The following RBFOX1 variants were observed in gnomAD, a reference collection of about 807,000 sequenced individuals.
RBFOX1 encodes the protein RNA binding protein fox-1 homolog 1.
RBFOX1 carries 8 observed loss-of-function variants against 57.7 expected under a neutral mutation model. That is an observed-to-expected ratio of 0.14 (90% CI 0.08 to 0.25). RBFOX1 has a LOEUF of 0.25. Ranked by LOEUF, RBFOX1 falls within the 10% of genes least tolerant of loss-of-function variation. The pLI, the probability that RBFOX1 is intolerant of heterozygous loss-of-function variation, is 1.00. For synonymous variants in RBFOX1, 326 were observed against 222.4 expected (o/e 1.47, Z -4.15); for missense variants, 611 against 548.5 (o/e 1.11, Z -1.14).
intron 3 of RBFOX1, among the ~76,000 whole-genome samples, chr16:6,753,697 T>C (rs1311711922): frequency 1.3e-5 from 2 of 150,818 alleles, no homozygotes; most frequent in Admixed American, 1.3e-4. Context: ...CCTCGTGCCC[T>C]CCTCCTGTCT....
intron 7 of RBFOX1, among the ~76,000 whole-genome samples, chr16:7,589,912 GGTGTGTGTGTGTGTGTGTGTGTGTGTGT>G (rs3029164): frequency 7.4e-6 from 1 of 134,946 alleles, no homozygotes; most frequent in Non-Finnish European, 1.6e-5. Flanking sequence ...GTGTGTGCTG[GGTGTGTGTGTGTGTGTGTGTGTGTGTGT>G]GTGTGTGTGT....
At chr16:5,421,047 C>T (rs1224741414) in intron 1 of RBFOX1, among the ~76,000 whole-genome samples, 1 of 148,994 alleles carries the variant, frequency 6.7e-6, no homozygotes, top group Admixed American at 6.7e-5. Context: ...TGCTTTGTCA[C>T]CTAGGCTGGA....
intron 1 of RBFOX1, among the ~76,000 whole-genome samples, chr16:6,088,365 T>G (rs1257880829): frequency 6.6e-6 from 1 of 152,184 alleles, no homozygotes; most frequent in African/African-American, 2.4e-5. Context: ...TTAGTCATGT[T>G]CTCTGATGTG....
At chr16:7,509,426 G>GTGTGTGTGTGTGTGTC (rs1555531504) in intron 4 of RBFOX1, among the ~76,000 whole-genome samples, 16 of 146,488 alleles carry the variant, frequency 1.1e-4, no homozygotes, top group African/African-American at 3.8e-4. Flanking sequence ...GTGTGTGTGT[G>GTGTGTGTGTGTGTGTC]TGTGTCTGTG....
intron 1 of RBFOX1, among the ~76,000 whole-genome samples, chr16:6,142,048 G>GAA (rs34076868): frequency 1.8e-4 from 26 of 148,048 alleles, no homozygotes; most frequent in Non-Finnish European, 3.1e-4. Context: ...GAGCTCAAAA[G>GAA]AAAAAAAAAA....
chr16:5,916,606 T>A (rs1450627613), intron 4 of RBFOX1, among the ~76,000 whole-genome samples: 1 of 152,112 alleles, frequency 6.6e-6, no homozygotes, highest in Non-Finnish European at 1.5e-5. Context: ...GCTTTGGAAC[T>A]AATTTCAGGG....
intron 3 of RBFOX1, among the ~76,000 whole-genome samples, chr16:6,800,469 C>G (rs529516129): frequency 2.0e-4 from 30 of 152,144 alleles, no homozygotes; most frequent in Middle Eastern, 3.4e-3. Context: ...TTCAATAAGT[C>G]TCGGGTGGGG....
At chr16:7,060,920 C>T (rs185742314) in intron 4 of RBFOX1, among the ~76,000 whole-genome samples, 1 of 152,268 alleles carries the variant, frequency 6.6e-6, no homozygotes, top group African/African-American at 2.4e-5. Context: ...CAGTGATTAG[C>T]TCAGGGGTTA....
chr16:6,597,242 T>C (rs1252009646), intron 2 of RBFOX1, among the ~76,000 whole-genome samples: 2 of 152,160 alleles, frequency 1.3e-5, no homozygotes, highest in African/African-American at 2.4e-5. Context: ...AGTAGTTGGG[T>C]GCGTATTCAC....
chr16:7,208,653 T>A (rs78442527), intron 4 of RBFOX1, among the ~76,000 whole-genome samples: 1 of 152,014 alleles, frequency 6.6e-6, no homozygotes, highest in African/African-American at 2.4e-5. Context: ...CTGGGCAACA[T>A]AGCAAGACCG....
At chr16:6,506,928 A>T (rs146927144) in intron 2 of RBFOX1, among the ~76,000 whole-genome samples, 1,581 of 152,222 alleles carry the variant, frequency 0.01, 20 homozygotes, top group African/African-American at 0.027. Context: ...GGTTACAGTC[A>T]TGAGCCACCG....
chr16:6,417,155 G>T (rs2093645772), intron 2 of RBFOX1, among the ~76,000 whole-genome samples: 1 of 151,994 alleles, frequency 6.6e-6, no homozygotes, highest in African/African-American at 2.4e-5. Flanking sequence ...GAGATTACAG[G>T]TGTGCGCCAC....
At chr16:6,819,022 A>G (rs528374067) in intron 3 of RBFOX1, among the ~76,000 whole-genome samples, 63 of 152,362 alleles carry the variant, frequency 4.1e-4, no homozygotes, top group Non-Finnish European at 7.1e-4. Flanking sequence ...AAAGGTAAGT[A>G]ACAGAGATGG....
chr16:5,715,222 T>G lies in RBFOX1; in HGVS notation c.318+116261T>G, dbSNP rs184916397. On this transcript the variant is annotated intron_variant, in intron 3 of 19. Transcript: ENST00000641259. Reference sequence around the variant, plus strand: ...TGTGTGTGTTTTTGAAACAACCCTATAAATCAGGTCTGCCTTATTTCGAAA... The same window carrying G: ...TGTGTGTGTTTTTGAAACAACCCTAGAAATCAGGTCTGCCTTATTTCGAAA... Among the ~76,000 whole-genome samples the G allele has an allele frequency of 3.9e-5, 6 of 152,342 alleles. No individual in the cohort carries two copies. In the East Asian group the frequency reaches 1.2e-3, roughly 29 times the overall value.
intron 1 of RBFOX1, among the ~76,000 whole-genome samples, chr16:6,042,468 C>G (rs561790850): frequency 1.8e-4 from 28 of 152,254 alleles, no homozygotes; most frequent in Admixed American, 2.6e-4. Flanking sequence ...AATCATCTCC[C>G]TATCTTTAGG....
At chr16:6,318,465 A>T (rs143274434) in intron 2 of RBFOX1, among the ~76,000 whole-genome samples, 1 of 152,164 alleles carries the variant, frequency 6.6e-6, no homozygotes, top group Non-Finnish European at 1.5e-5. Context: ...CATCTTTCTC[A>T]TAGATGCCTT....
At chr16:5,265,512 C>T (rs1406384367) in intron 1 of RBFOX1, among the ~76,000 whole-genome samples, 2 of 152,174 alleles carry the variant, frequency 1.3e-5, no homozygotes, top group Non-Finnish European at 2.9e-5. Flanking sequence ...TGATTCCCAA[C>T]TATCAGTAAG....
intron 3 of RBFOX1, among the ~76,000 whole-genome samples, chr16:5,851,388 TC>T (rs2056893545): frequency 6.6e-6 from 1 of 152,118 alleles, no homozygotes; most frequent in South Asian, 2.1e-4. Context: ...GAAGACCTTT[TC>T]CCTAGACCGC....
At chr16:5,918,992 C>T (rs1294651507) in intron 4 of RBFOX1, among the ~76,000 whole-genome samples, 1 of 152,174 alleles carries the variant, frequency 6.6e-6, no homozygotes, top group African/African-American at 2.4e-5. Context: ...CGCAGTGGAG[C>T]CTGGGGCTGT....
Sources: gnomAD v4.1 joint callset for allele counts (sites outside exome capture counted in the v4.1 genomes callset) on GRCh38, gnomAD v4.1.1 for gene constraint, MANE v1.5 for transcripts, NCBI Gene and HGNC (gene_info 2026-07-23, HGNC 2026-07-21) for gene names.